CHST8: variants seen among roughly 807,000 people sequenced by gnomAD.
CHST8 encodes the protein carbohydrate sulfotransferase 8.
CHST8 carries 10 observed loss-of-function variants against 15.0 expected under a neutral mutation model. The ratio of observed to expected loss-of-function variants is 0.67; its 90% CI spans 0.41 to 1.13. CHST8 has a LOEUF of 1.13. Ranked by LOEUF, CHST8 falls within the 50% of genes most tolerant of loss-of-function variation. CHST8 has a pLI of 0.00. For missense variants in CHST8, 634 were observed against 608.2 expected, an observed-to-expected ratio of 1.04 and a Z score of -0.45; for synonymous variants, 259 against 256.6, an observed-to-expected ratio of 1.01 and a Z score of -0.09.
rs770252083 is a variant in CHST8, at chr19:33,635,595, G to A, written c.-164+13299G>A. On this transcript the variant is annotated intron_variant, in intron 1 of 4. Coordinates refer to ENST00000650847, the MANE Select transcript of CHST8 (RefSeq NM_001127895.2). ...CACAGAGGAGGGAGGCCCAGGCTAG[G>A]CCTCAAAGATGGGTGGGGGGGTGAC... 2.0e-5 allele frequency among the ~76,000 whole-genome samples: 3 copies of A among 152,128 alleles called. No homozygotes were observed. In the South Asian group the frequency reaches 6.2e-4, roughly 31 times the overall value.
At chr19:33,759,129 C>A (rs1488108571) in intron 3 of CHST8, among the ~76,000 whole-genome samples, 2 of 152,198 alleles carry the variant, frequency 1.3e-5, no homozygotes, top group Non-Finnish European at 2.9e-5. Flanking sequence ...AAACACCCCC[C>A]ACCAGGACCC....
chr19:33,627,496 C>T (rs115266920), intron 1 of CHST8, among the ~76,000 whole-genome samples: 2,082 of 152,202 alleles, frequency 0.014, 42 homozygotes, highest in African/African-American at 0.047. Flanking sequence ...AGGCCTGGGG[C>T]TGGGGGCAGC....
rs555807019 is a variant in CHST8, at chr19:33,702,673, A to G, written c.130+13282A>G. Among the ~76,000 whole-genome samples the G allele has an allele frequency of 1.6e-4, 25 of 152,228 alleles. 1 individual carries two copies. In the South Asian group the frequency reaches 3.9e-3, roughly 24 times the overall value. On this transcript the variant is annotated intron_variant, in intron 3 of 4. Transcript: ENST00000650847. Reference sequence around the variant, plus strand: ...TTGGGTTGCGTCTCCACAGTGGCCAATTGTTCCCCAGAGGACCCCCGAGGG... The same window carrying G: ...TTGGGTTGCGTCTCCACAGTGGCCAGTTGTTCCCCAGAGGACCCCCGAGGG...
intron 3 of CHST8, among the ~76,000 whole-genome samples, chr19:33,719,639 G>A (rs1973740322): frequency 6.6e-6 from 1 of 151,902 alleles, no homozygotes; most frequent in South Asian, 2.1e-4. Flanking sequence ...TGACCAGAGG[G>A]AATGGAAGGC....
chr19:33,712,921 C>T (rs1973587150), intron 3 of CHST8, among the ~76,000 whole-genome samples: 2 of 152,188 alleles, frequency 1.3e-5, no homozygotes, highest in African/African-American at 4.8e-5. Context: ...CTTTCAGGGA[C>T]GTGCTGTCAA....
At chr19:33,622,370 G>A (rs1422302037) in intron 1 of CHST8, 74 bp downstream of exon 1, 1 of 152,114 alleles carries the variant, frequency 6.6e-6, no homozygotes, top group Non-Finnish European at 1.5e-5. Flanking sequence ...ACGCCAGGAA[G>A]GGGTCCCGAG....
chr19:33,623,580 C>G (rs960918244), intron 1 of CHST8, among the ~76,000 whole-genome samples: 8 of 152,192 alleles, frequency 5.3e-5, no homozygotes, highest in African/African-American at 1.9e-4. Flanking sequence ...CAATACCAAG[C>G]CCACTTTCCT....
At chr19:33,725,137 G>A (rs549053049) in intron 3 of CHST8, among the ~76,000 whole-genome samples, 4 of 152,134 alleles carry the variant, frequency 2.6e-5, no homozygotes, top group Non-Finnish European at 4.4e-5. Flanking sequence ...CCAGAGCTGC[G>A]TGGCTGCATG....
intron 3 of CHST8, among the ~76,000 whole-genome samples, chr19:33,704,232 C>T (rs1973399345): frequency 6.6e-6 from 1 of 152,208 alleles, no homozygotes; most frequent in African/African-American, 2.4e-5. Flanking sequence ...GGTGCTTCAC[C>T]ATGGGAAGGC....
intron 1 of CHST8, among the ~76,000 whole-genome samples, chr19:33,661,409 A>AT (rs1972583000): frequency 6.6e-6 from 1 of 152,162 alleles, no homozygotes; most frequent in Non-Finnish European, 1.5e-5. Flanking sequence ...ACCCAGTGGG[A>AT]TTTTCACCCG....
chr19:33,732,507 G>A (rs1343711790), intron 3 of CHST8, among the ~76,000 whole-genome samples: 1 of 151,806 alleles, frequency 6.6e-6, no homozygotes, highest in Non-Finnish European at 1.5e-5. Flanking sequence ...CTGGCCAGCA[G>A]TGTAGGTGCT....
intron 3 of CHST8, among the ~76,000 whole-genome samples, chr19:33,719,746 CAAA>C (rs36093900): frequency 2.8e-5 from 4 of 143,644 alleles, no homozygotes; most frequent in Non-Finnish European, 3.1e-5. Context: ...CTGTGAGTTA[CAAA>C]AAAAAAAAAA....
At chr19:33,730,314 G>A (rs1973971822) in intron 3 of CHST8, among the ~76,000 whole-genome samples, 1 of 152,226 alleles carries the variant, frequency 6.6e-6, no homozygotes, top group Non-Finnish European at 1.5e-5. Flanking sequence ...GTTGAAGCAG[G>A]GAGACCTCTT....
At position 33,673,280 on chromosome 19, in the gene CHST8, T is replaced by C. The variant is rs79172307; in HGVS notation, c.-87+5437T>C. ...TCAGGCCAGATGGAAAACTAGTAGC[T>C]GTGATTGGGACGAGTGAATATTCAT... is the stretch of plus-strand genomic sequence containing the variant. On this transcript the variant is annotated intron_variant, in intron 2 of 4. Coordinates refer to ENST00000650847, the MANE Select transcript of CHST8 (RefSeq NM_001127895.2). Among the ~76,000 whole-genome samples the C allele has an allele frequency of 3.0e-3, 461 of 152,298 alleles. 1 individual carries two copies. The highest frequency in any genetic ancestry group is 0.011 in the African/African-American group (446 of 41,572).
chr19:33,728,186 T>C (rs1973937288), intron 3 of CHST8, among the ~76,000 whole-genome samples: 1 of 152,272 alleles, frequency 6.6e-6, no homozygotes, highest in South Asian at 2.1e-4. Flanking sequence ...TACTCTTTCA[T>C]GTAAATTTCA....
chr19:33,629,292 T>C (rs1972094684), intron 1 of CHST8, among the ~76,000 whole-genome samples: 1 of 152,126 alleles, frequency 6.6e-6, no homozygotes, highest in African/African-American at 2.4e-5. Context: ...ACCCCTAGAG[T>C]TCCTTCACCT....
intron 3 of CHST8, among the ~76,000 whole-genome samples, chr19:33,754,095 C>T (rs987974423): frequency 2.8e-4 from 28 of 99,802 alleles, no homozygotes; most frequent in African/African-American, 1.1e-3. Context: ...CATATGCCAT[C>T]CCCACACCAT....
chr19:33,686,182 C>G (rs917129651), intron 2 of CHST8, among the ~76,000 whole-genome samples: 1 of 152,132 alleles, frequency 6.6e-6, no homozygotes, highest in Non-Finnish European at 1.5e-5. Context: ...CGGGGGCCAG[C>G]AAAGGCAGGG....
At chr19:33,641,682 T>A (rs1972285826) in intron 1 of CHST8, among the ~76,000 whole-genome samples, 1 of 151,054 alleles carries the variant, frequency 6.6e-6, no homozygotes, top group African/African-American at 2.4e-5. Context: ...GGTGGAAAAT[T>A]TAGCTACCCT....
Sources: allele counts gnomAD v4.1 joint callset (sites outside exome capture counted in the v4.1 genomes callset), GRCh38; gene constraint gnomAD v4.1.1; transcripts MANE v1.5; gene names NCBI Gene and HGNC (gene_info 2026-07-23, HGNC 2026-07-21).